Variants in SHANK2 observed in about 807,000 individuals in gnomAD.
The protein encoded by SHANK2 is SH3 and multiple ankyrin repeat domains protein 2.
A neutral mutation model predicts 133.7 loss-of-function variants in SHANK2; 43 were observed. The observed-to-expected ratio is 0.32, with a 90% CI of 0.25 to 0.41. The LOEUF (loss-of-function observed/expected upper bound fraction) is 0.41. Ranked by LOEUF, SHANK2 falls within the 10% of genes least tolerant of loss-of-function variation. SHANK2 has a pLI of 1.00. For missense variants in SHANK2, 1,994 were observed against 2,235.8 expected (o/e 0.89, Z 2.18); for synonymous variants, 1,017 against 952.8 (o/e 1.07, Z -1.24).
At chr11:70,476,248 T>TA (rs1326790925) in intron 25 of SHANK2, among the ~76,000 whole-genome samples, 50 of 151,334 alleles carry the variant, frequency 3.3e-4, no homozygotes, top group African/African-American at 9.7e-4. Flanking sequence ...ACAACAACAA[T>TA]AAAAAAACCC....
chr11:70,497,654 G>C (rs1340228780), intron 21 of SHANK2, among the ~76,000 whole-genome samples: 1 of 152,238 alleles, frequency 6.6e-6, no homozygotes, highest in Non-Finnish European at 1.5e-5. Flanking sequence ...GCTGACTCTG[G>C]ACCACGGGCT....
chr11:70,771,169 T>C (rs1256235221), intron 14 of SHANK2, among the ~76,000 whole-genome samples: 2 of 152,188 alleles, frequency 1.3e-5, no homozygotes, highest in Non-Finnish European at 2.9e-5. Flanking sequence ...TCAGGTGATC[T>C]ACCCTTCTCA....
intron 17 of SHANK2, among the ~76,000 whole-genome samples, chr11:70,560,865 G>A (rs1303470930): frequency 6.6e-6 from 1 of 152,012 alleles, no homozygotes; most frequent in Non-Finnish European, 1.5e-5. Context: ...CTCCTCAAGT[G>A]ATTCGCCTGC....
intron 15 of SHANK2, among the ~76,000 whole-genome samples, chr11:70,693,204 G>A (rs1555021467): frequency 6.6e-6 from 1 of 152,110 alleles, no homozygotes; most frequent in Non-Finnish European, 1.5e-5. Context: ...CATCCATCCT[G>A]CCATCTGCTT....
chr11:71,164,333 G>A (rs1953094895), intron 2 of SHANK2, among the ~76,000 whole-genome samples: 1 of 152,226 alleles, frequency 6.6e-6, no homozygotes, highest in Non-Finnish European at 1.5e-5. Context: ...TGTCTAGGCA[G>A]AGAGGCTTTG....
At chr11:70,511,205 G>A (rs782028804) in intron 17 of SHANK2, among the ~76,000 whole-genome samples, 1 of 152,302 alleles carries the variant, frequency 6.6e-6, no homozygotes, top group East Asian at 1.9e-4. Flanking sequence ...TCAACTCAAC[G>A]TGAAATTAAT....
intron 15 of SHANK2, among the ~76,000 whole-genome samples, chr11:70,674,043 T>C (rs1166086363): frequency 6.6e-6 from 1 of 152,196 alleles, no homozygotes; most frequent in Non-Finnish European, 1.5e-5. Flanking sequence ...CTCCCGGGGC[T>C]GAGAGAGTTC....
At chr11:70,582,989 C>T (rs150394090) in intron 17 of SHANK2, among the ~76,000 whole-genome samples, 33 of 152,234 alleles carry the variant, frequency 2.2e-4, no homozygotes, top group Non-Finnish European at 3.8e-4. Context: ...GCAGCAGGCT[C>T]GTGGGGCCAG....
chr11:70,684,717 ACTCAGTGAGTGC>A (rs1945108920), intron 15 of SHANK2, among the ~76,000 whole-genome samples: 1 of 150,652 alleles, frequency 6.6e-6, no homozygotes, highest in African/African-American at 2.4e-5. Flanking sequence ...ACTCAGTGTG[ACTCAGTGAGTGC>A]CTGAGTCACA....
intron 2 of SHANK2, among the ~76,000 whole-genome samples, chr11:71,169,518 A>G (rs1953263990): frequency 6.6e-6 from 1 of 152,218 alleles, no homozygotes; most frequent in African/African-American, 2.4e-5. Flanking sequence ...TGGGAGGCCG[A>G]GGCGGGTGAA....
chr11:70,480,048 G>A (rs1555151130), intron 25 of SHANK2, among the ~76,000 whole-genome samples: 1 of 152,140 alleles, frequency 6.6e-6, no homozygotes, highest in South Asian at 2.1e-4. Flanking sequence ...AGGAAACAAA[G>A]TCTGGTCATG....
At chr11:70,730,545 C>T (rs1283487184) in intron 14 of SHANK2, among the ~76,000 whole-genome samples, 2 of 152,194 alleles carry the variant, frequency 1.3e-5, no homozygotes, top group Non-Finnish European at 2.9e-5. Flanking sequence ...ACCGCATCTC[C>T]CAGCCCTTCC....
intron 11 of SHANK2, among the ~76,000 whole-genome samples, chr11:70,849,186 T>C (rs1275019133): frequency 6.6e-6 from 1 of 152,162 alleles, no homozygotes; most frequent in Non-Finnish European, 1.5e-5. Context: ...TGAGGATGCA[T>C]ACCTGAAATT....
chr11:71,207,684 A>G (rs1034508362), intron 2 of SHANK2, among the ~76,000 whole-genome samples: 1 of 152,194 alleles, frequency 6.6e-6, no homozygotes, highest in Non-Finnish European at 1.5e-5. Flanking sequence ...AAATCGACAG[A>G]GCAGGACAGC....
In SHANK2 at chr11:70,757,010, T is replaced by C. The variant is rs554465325; in HGVS notation, c.1777+41433A>G. Among the ~76,000 whole-genome samples, 6 of 152,300 alleles carry C rather than the reference T, an allele frequency of 3.9e-5. No individual in the cohort carries two copies. The South Asian group carries it at 1.2e-3, about 32-fold the overall frequency. The stretch of plus-strand genomic sequence containing the variant: ...AATGGAGCACTAGCAGTTTCCATGA[T>C]ATTGGACGTTTGGCAAGGATTATGG... On this transcript the variant is annotated intron_variant, in intron 14 of 25. Coordinates refer to ENST00000601538, the MANE Select transcript of SHANK2 (RefSeq NM_012309.5).
intron 14 of SHANK2, among the ~76,000 whole-genome samples, chr11:70,742,528 CT>C (rs1420884553): frequency 1.3e-5 from 2 of 152,220 alleles, no homozygotes; most frequent in African/African-American, 4.8e-5. Context: ...ACGGGGAATC[CT>C]AAGCAGTCAT....
chr11:71,193,332 G>T (rs1555115743), intron 2 of SHANK2, among the ~76,000 whole-genome samples: 2 of 151,994 alleles, frequency 1.3e-5, no homozygotes, highest in Non-Finnish European at 2.9e-5. Flanking sequence ...AGTGTGTGTG[G>T]GAGTGTGTGT....
chr11:70,609,212 C>G (rs1554993445), intron 17 of SHANK2, among the ~76,000 whole-genome samples: 1 of 152,226 alleles, frequency 6.6e-6, no homozygotes, highest in Non-Finnish European at 1.5e-5. Flanking sequence ...GACGGCCCAC[C>G]CAACAGAGGA....
intron 14 of SHANK2, among the ~76,000 whole-genome samples, chr11:70,780,428 T>C (rs535422982): frequency 2.6e-5 from 4 of 152,288 alleles, no homozygotes; most frequent in African/African-American, 7.2e-5. Flanking sequence ...TGGCTCTAAA[T>C]GAGTTTTTCC....
Sources: gnomAD v4.1 joint callset for allele counts (sites outside exome capture counted in the v4.1 genomes callset) on GRCh38, gnomAD v4.1.1 for gene constraint, MANE v1.5 for transcripts, NCBI Gene and HGNC (gene_info 2026-07-23, HGNC 2026-07-21) for gene names.